Variants in ANK2 observed in about 807,000 individuals in gnomAD.
ANK2 encodes ankyrin 2.
A neutral mutation model predicts 360.5 loss-of-function variants in ANK2; 83 were observed. The observed-to-expected ratio is 0.23, with a 90% confidence interval of 0.19 to 0.28. The LOEUF (loss-of-function observed/expected upper bound fraction) is 0.28, where lower values mean the gene tolerates loss of function less well. ANK2 is among the 10% of genes least tolerant of loss of function. The pLI is 1.00. For missense variants in ANK2, 4,201 were observed against 4,795.7 expected (o/e 0.88, Z 3.66); for synonymous variants, 1,740 against 1,759.5 (o/e 0.99, Z 0.28).
chr4:113,376,802 GTTTTTTTTT>G (rs36011726), intron 45 of ANK2, among the ~76,000 whole-genome samples: 20 of 114,184 alleles, frequency 1.8e-4, no homozygotes, highest in Non-Finnish European at 3.1e-4. Flanking sequence ...ACTTTTTAAG[GTTTTTTTTT>G]TTTTTTTTTT....
the ANK2 span, among the ~76,000 whole-genome samples, chr4:112,742,998 G>A: frequency 6.6e-6 from 1 of 152,090 alleles, no homozygotes; most frequent in Admixed American, 6.6e-5. Flanking sequence ...ACCAAGTCAG[G>A]CCAAGGCCCA....
chr4:113,233,423 C>A (rs887754847), intron 5 of ANK2, among the ~76,000 whole-genome samples: 1 of 151,928 alleles, frequency 6.6e-6, no homozygotes, highest in African/African-American at 2.4e-5. Context: ...GCGTGAGCCA[C>A]CGCGCCCGGC....
At chr4:113,319,541 T>C (rs2084844841) in intron 26 of ANK2, among the ~76,000 whole-genome samples, 1 of 151,854 alleles carries the variant, frequency 6.6e-6, no homozygotes, top group African/African-American at 2.4e-5. Flanking sequence ...TCCTTTCTTA[T>C]TTTTATTATT....
chr4:112,958,855 C>CTTTTTCTTTTT (rs891349166), intron 2 of ANK2, among the ~76,000 whole-genome samples: 2,564 of 150,626 alleles, frequency 0.017, 70 homozygotes, highest in African/African-American at 0.057. Context: ...ATTTCTTTTT[C>CTTTTTCTTTTT]TTTTTTTTTG....
intron 20 of ANK2, among the ~76,000 whole-genome samples, chr4:113,290,960 A>G (rs527911322): frequency 1.3e-5 from 2 of 152,332 alleles, no homozygotes; most frequent in South Asian, 4.1e-4. Context: ...ATTTCAGGTA[A>G]AGGTTAGATT....
the ANK2 span, among the ~76,000 whole-genome samples, chr4:112,712,404 A>ATTT: frequency 3.8e-5 from 2 of 52,680 alleles, no homozygotes; most frequent in Admixed American, 3.0e-4. Context: ...ATATATATAT[A>ATTT]TATTTTTTTT....
chr4:113,126,548 G>A (rs971577672), intron 1 of ANK2, among the ~76,000 whole-genome samples: 2 of 152,112 alleles, frequency 1.3e-5, no homozygotes, highest in African/African-American at 2.4e-5. Flanking sequence ...ATGAGCTTTC[G>A]TTCAGGGTGG....
intron 27 of ANK2, among the ~76,000 whole-genome samples, chr4:113,330,806 GA>G (rs1049880875): frequency 6.6e-6 from 1 of 152,096 alleles, no homozygotes; most frequent in African/African-American, 2.4e-5. Flanking sequence ...AAGTCACAAA[GA>G]AAAAATTCTG....
At chr4:113,080,007 T>C (rs1231547829) in intron 1 of ANK2, among the ~76,000 whole-genome samples, 1 of 151,940 alleles carries the variant, frequency 6.6e-6, no homozygotes, top group African/African-American at 2.4e-5. Context: ...TAAGGGATTC[T>C]TCTGCCTCAG....
intron 2 of ANK2, among the ~76,000 whole-genome samples, chr4:112,913,928 CT>C (rs889806857): frequency 9.2e-5 from 14 of 151,572 alleles, no homozygotes; most frequent in African/African-American, 3.2e-4. Flanking sequence ...TTCATCCTGT[CT>C]TTTTTTTGAT....
chr4:113,054,654 C>G (rs1055037908), intron 1 of ANK2, among the ~76,000 whole-genome samples: 1 of 152,102 alleles, frequency 6.6e-6, no homozygotes, highest in Non-Finnish European at 1.5e-5. Context: ...TTCAGTCTTT[C>G]AAATAACTTA....
rs362494 is a variant in ANK2, at chr4:113,218,144, C to G, written c.385-14017C>G. 1.1e-3 allele frequency among the ~76,000 whole-genome samples: 162 copies of G among 145,978 alleles called. 4 individuals carry two copies. Among genetic ancestry groups the G allele is most frequent in the Admixed American group, 9.2e-3 (132 of 14,286 alleles). On this transcript the variant is annotated intron_variant, in intron 4 of 45. Transcript: ENST00000357077. ...CAAACATTATAAAACCTATTTATAACCCCTTGTTCTAATGCTCTAACCTTT... is the reference window on the plus strand; with the variant it reads ...CAAACATTATAAAACCTATTTATAAGCCCTTGTTCTAATGCTCTAACCTTT...
intron 1 of ANK2, among the ~76,000 whole-genome samples, chr4:113,088,518 C>G (rs964279207): frequency 2.6e-5 from 4 of 152,138 alleles, no homozygotes; most frequent in South Asian, 2.1e-4. Flanking sequence ...TATCTAAAAA[C>G]TTGACTGTAG....
the ANK2 span, among the ~76,000 whole-genome samples, chr4:112,753,692 C>T: frequency 2.6e-5 from 4 of 152,324 alleles, no homozygotes; most frequent in South Asian, 8.3e-4. Context: ...CTCACTGCTA[C>T]ACTCCCACCA....
intron 1 of ANK2, among the ~76,000 whole-genome samples, chr4:113,102,177 C>A (rs2092958107): frequency 1.3e-5 from 2 of 151,790 alleles, no homozygotes; most frequent in Non-Finnish European, 1.5e-5. Context: ...ACCTGGTGAG[C>A]AGCAGCGGTG....
chr4:112,768,396 G>A, the ANK2 span, among the ~76,000 whole-genome samples: 1 of 151,968 alleles, frequency 6.6e-6, no homozygotes, highest in Non-Finnish European at 1.5e-5. Context: ...TGGGACTACA[G>A]GCTCATGCCA....
intron 1 of ANK2, among the ~76,000 whole-genome samples, chr4:113,156,020 T>A (rs1385114612): frequency 6.6e-6 from 1 of 152,218 alleles, no homozygotes; most frequent in African/African-American, 2.4e-5. Flanking sequence ...CTACAGTGTG[T>A]GCCAAAAATC....
chr4:113,244,044 A>G (rs1222472414), intron 9 of ANK2, among the ~76,000 whole-genome samples: 1 of 152,234 alleles, frequency 6.6e-6, no homozygotes, highest in Non-Finnish European at 1.5e-5. Flanking sequence ...TAAAAAGTCT[A>G]ACTCCAAATA....
At chr4:112,915,336 C>T (rs1355123764) in intron 2 of ANK2, among the ~76,000 whole-genome samples, 1 of 152,070 alleles carries the variant, frequency 6.6e-6, no homozygotes, top group Admixed American at 6.6e-5. Context: ...TTACCAAGAA[C>T]ATGAGGCCCA....
Sources: allele counts gnomAD v4.1 joint callset (sites outside exome capture counted in the v4.1 genomes callset), GRCh38; gene constraint gnomAD v4.1.1; transcripts MANE v1.5; gene names NCBI Gene and HGNC (gene_info 2026-07-23, HGNC 2026-07-21).